The following THAP4 variants were observed in gnomAD, a reference collection of about 807,000 sequenced individuals.
The protein encoded by THAP4 is THAP domain containing 4, also known as peroxynitrite isomerase THAP4.
A neutral mutation model predicts 48.1 loss-of-function variants in THAP4; 18 were observed. The observed-to-expected ratio is 0.37, with a 90% CI of 0.26 to 0.56. The LOEUF (loss-of-function observed/expected upper bound fraction) is 0.56. THAP4 is among the 20% of genes least tolerant of loss of function. THAP4 has a pLI of 0.78. For synonymous variants in THAP4, 345 were observed against 324.9 expected (o/e 1.06, Z -0.66); for missense variants, 656 against 774.9 (o/e 0.85, Z 1.82).
In THAP4 at chr2:241,617,429, A is replaced by C. The variant is rs1012936754; in HGVS notation, c.1241-10956T>G. ...AGGCTTACCCATCCCTAAGTTTTCT[A>C]AACTCCGGACACTCGTCAAGGTTCC... On this transcript the variant is annotated intron_variant, in intron 2 of 5. Coordinates refer to ENST00000407315, the MANE Select transcript of THAP4 (RefSeq NM_015963.6). 39 of 1,551,378 alleles carry C rather than the reference A, an allele frequency of 2.5e-5. No homozygotes were observed. In the Admixed American group the frequency reaches 3.9e-4, roughly 16 times the overall value.
At position 241,612,211 on chromosome 2, in the gene THAP4, A is replaced by G. The variant is rs1328520521; in HGVS notation, c.1241-5738T>C. ...GAGATTGGAAGCAGCACAGGGAGAA[A>G]CAAACACCGGGAAACACAGCGGAAC... is the stretch of plus-strand genomic sequence containing the variant. On this transcript the variant is annotated intron_variant, in intron 2 of 5. Transcript: ENST00000407315. This position sits in a 1 kb window ranked among gnomAD's most constrained non-coding sequence, Gnocchi z 4.1. Among the ~76,000 whole-genome samples the G allele has an allele frequency of 6.6e-6, 1 of 152,224 alleles. No individual in the cohort carries two copies. The highest frequency in any genetic ancestry group is 1.5e-5 in the Non-Finnish European group (1 of 68,040).
chr2:241,631,803 T>C (rs1467953409), intron 2 of THAP4, among the ~76,000 whole-genome samples: 2 of 152,206 alleles, frequency 1.3e-5, no homozygotes, highest in Non-Finnish European at 2.9e-5. Flanking sequence ...GAATAGAACT[T>C]GGGAGGTGGA....
intron 5 of THAP4, among the ~76,000 whole-genome samples, chr2:241,600,727 C>CAAAAAAA (rs35546566): frequency 6.8e-5 from 6 of 88,642 alleles, no homozygotes; most frequent in African/African-American, 8.6e-5. Flanking sequence ...GACTCCGTCT[C>CAAAAAAA]AAAAAAAAAA....
Position 241,632,953 on chromosome 2 carries a change from C to T in THAP4, c.1204G>A (p.Val402Ile), listed in dbSNP as rs758176769. 26 of 1,610,910 alleles carry T rather than the reference C, an allele frequency of 1.6e-5. No homozygotes were observed. The highest frequency in any genetic ancestry group is 6.6e-5 in the South Asian group (6 of 90,592). Reference sequence around the variant, plus strand: ...GACAGCAGGCTACTTGGATAGGGGACGCTCACTCTCCTCAGCTCATCCAGC... The same window carrying T: ...GACAGCAGGCTACTTGGATAGGGGATGCTCACTCTCCTCAGCTCATCCAGC... ...EKLDELRRVS[V>I]PYPSSLLSPS... Residue 402 changes from valine to isoleucine, a missense_variant, in exon 2 of 6, where the codon GTC becomes ATC. Physicochemically the swap from Val to Ile is conservative, Grantham distance 29. Coordinates refer to ENST00000407315, the MANE Select transcript of THAP4 (RefSeq NM_015963.6).
Position 241,634,013 on chromosome 2 carries a change from A to C in THAP4, c.144T>G (p.Thr48=). ...TACAGAGAAATGAATACTTAGTGGGAGTCCAGTTATCCCTCTGAACAGCTT... is the reference window on the plus strand; with the variant it reads ...TACAGAGAAATGAATACTTAGTGGGCGTCCAGTTATCCCTCTGAACAGCTT... ...WLKAVQRDNW[T]PTKYSFLCSE... The change falls in exon 2 of 6, where the codon ACT becomes ACG. Residue 48 remains threonine, a synonymous_variant. Transcript: ENST00000407315. 6.2e-7 allele frequency: 1 copy of C among 1,613,952 alleles called. No homozygotes were observed. Among genetic ancestry groups the C allele is most frequent in the Non-Finnish European group, 8.5e-7 (1 of 1,179,918 alleles).
At chr2:241,636,458 C>T (rs984429925) in intron 1 of THAP4, among the ~76,000 whole-genome samples, 1 of 152,176 alleles carries the variant, frequency 6.6e-6, no homozygotes, top group South Asian at 2.1e-4. Context: ...CGTCCCCAGC[C>T]GGCCGTCCCG....
intron 5 of THAP4, among the ~76,000 whole-genome samples, chr2:241,585,759 G>C (rs1458405103): frequency 6.6e-6 from 1 of 151,764 alleles, no homozygotes; most frequent in African/African-American, 2.4e-5. Flanking sequence ...TCTAGGAGGA[G>C]AGGCGCAGCC....
chr2:241,598,518 A>AT lies in THAP4; in HGVS notation c.1614+3377dup, dbSNP rs566935303. Among the ~76,000 whole-genome samples, 419 of 152,000 alleles carry AT rather than the reference A, an allele frequency of 2.8e-3. 2 individuals are homozygous for AT. Among genetic ancestry groups the AT allele is most frequent in the African/African-American group, 9.4e-3 (391 of 41,446 alleles). On this transcript the variant is annotated intron_variant, in intron 5 of 5. Coordinates refer to ENST00000407315, the MANE Select transcript of THAP4 (RefSeq NM_015963.6). Reference sequence around the variant, plus strand: ...CCAGGAACTGGTTTCATGGAAGACAATTTTTCCACAGCTGTGGGGGTGGGG... The same window carrying AT: ...CCAGGAACTGGTTTCATGGAAGACAATTTTTTCCACAGCTGTGGGGGTGGGG...
chr2:241,609,509 C>T (rs778739886), intron 2 of THAP4, among the ~76,000 whole-genome samples: 41 of 152,260 alleles, frequency 2.7e-4, no homozygotes, highest in African/African-American at 8.7e-4. Context: ...TTGGGCCGGG[C>T]GCAATGGCTC....
chr2:241,633,571 C>G lies in THAP4; in HGVS notation c.586G>C (p.Asp196His), dbSNP rs202065824. The change falls in exon 2 of 6, where the codon GAT becomes CAT. Residue 196 changes from aspartate to histidine, a missense_variant. This residue lies in a region of THAP4 where 391 missense variants were observed against 412.4 expected (regional missense o/e 0.95). Transcript: ENST00000407315. This position sits in a 1 kb window ranked among gnomAD's most constrained non-coding sequence, Gnocchi z 7.5. ...GAAGTGGCGCTCTCATCGCCAGCAT[C>G]TGTGGCAGACGCTTCTGCTTTTCCC... ...SQGKAEASATDAGDESATSSI... is the reference protein window; with the variant it reads ...SQGKAEASATHAGDESATSSI... 35 of 1,613,680 alleles carry G rather than the reference C, an allele frequency of 2.2e-5. No homozygotes were observed. In the Admixed American group the frequency reaches 5.7e-4, roughly 26 times the overall value.
intron 2 of THAP4, among the ~76,000 whole-genome samples, chr2:241,630,988 G>A (rs1030718770): frequency 6.6e-6 from 1 of 152,084 alleles, no homozygotes; most frequent in Non-Finnish European, 1.5e-5. Flanking sequence ...AACCCGGGAG[G>A]CAGAGGTTGC....
At position 241,616,485 on chromosome 2, in the gene THAP4, A is replaced by G. The variant is rs1425239064; in HGVS notation, c.1241-10012T>C. The stretch of plus-strand genomic sequence containing the variant: ...AGGCTGCCTCAAAAATTCTGGCTAA[A>G]AGTGAGCTTTTGAGTGGACTTTGCT... On this transcript the variant is annotated intron_variant, in intron 2 of 5. Coordinates refer to ENST00000407315, the MANE Select transcript of THAP4 (RefSeq NM_015963.6). The surrounding 1 kb of genome is among the most constrained non-coding windows in gnomAD (Gnocchi z 4.6). 6.6e-6 allele frequency among the ~76,000 whole-genome samples: 1 copy of G among 152,100 alleles called. No homozygotes were observed. Among genetic ancestry groups the G allele is most frequent in the Non-Finnish European group, 1.5e-5 (1 of 68,022 alleles).
chr2:241,587,990 T>C (rs1039232080), intron 5 of THAP4, among the ~76,000 whole-genome samples: 1 of 139,750 alleles, frequency 7.2e-6, no homozygotes, highest in African/African-American at 2.7e-5. Context: ...CTTGTTTTTA[T>C]TGAAAGAAAA....
chr2:241,605,014 C>T (rs2067161653), intron 3 of THAP4, among the ~76,000 whole-genome samples: 2 of 152,218 alleles, frequency 1.3e-5, no homozygotes, highest in South Asian at 4.1e-4. Context: ...ATTTTCCACT[C>T]TGGTTCATTT....
chr2:241,600,557 C>T (rs2067099768), intron 5 of THAP4, among the ~76,000 whole-genome samples: 1 of 151,688 alleles, frequency 6.6e-6, no homozygotes, highest in Non-Finnish European at 1.5e-5. Flanking sequence ...GAAACCCCGT[C>T]TCTACTAAAA....
intron 2 of THAP4, among the ~76,000 whole-genome samples, chr2:241,631,012 C>A (rs140992128): frequency 1.1e-4 from 16 of 152,172 alleles, no homozygotes; most frequent in African/African-American, 3.6e-4. Context: ...TAGCTGAGAT[C>A]TCACCACTGC....
At chr2:241,629,760 G>A (rs577756102) in intron 2 of THAP4, among the ~76,000 whole-genome samples, 29 of 151,878 alleles carry the variant, frequency 1.9e-4, no homozygotes, top group South Asian at 4.2e-4. Context: ...GCATCAAACA[G>A]CATGGTCTTG....
intron 4 of THAP4, 21 bp from the exon 5 acceptor site, chr2:241,602,020 G>C (rs56381242): frequency 3.7e-6 from 6 of 1,606,676 alleles, no homozygotes; most frequent in Non-Finnish European, 5.1e-6. Flanking sequence ...AGGGCAGTCA[G>C]CTCACCCAGC....
At chr2:241,588,118 T>A (rs1276449964) in intron 5 of THAP4, among the ~76,000 whole-genome samples, 1 of 152,106 alleles carries the variant, frequency 6.6e-6, no homozygotes, top group Non-Finnish European at 1.5e-5. Context: ...AGTCACATGA[T>A]ACGAGATCAA....
Sources: allele counts gnomAD v4.1 joint callset (sites outside exome capture counted in the v4.1 genomes callset), GRCh38; gene constraint gnomAD v4.1.1; regional missense constraint gnomAD v4.1.1; non-coding constraint Gnocchi (gnomAD v3.1); transcripts MANE v1.5; gene names NCBI Gene and HGNC (gene_info 2026-07-23, HGNC 2026-07-21).